FREM2: variants seen among roughly 807,000 people sequenced by gnomAD.
FREM2 encodes FRAS1-related extracellular matrix protein 2.
In FREM2, 119 loss-of-function variants were observed where a neutral mutation model predicts 219.9. The observed-to-expected ratio is 0.54, with a 90% CI of 0.47 to 0.63. The LOEUF is 0.63. Among genes scored for constraint, FREM2 ranks in the 30% least tolerant of loss-of-function variants. FREM2 has a pLI of 0.00. For synonymous variants in FREM2, 1,562 were observed against 1,522.8 expected, an observed-to-expected ratio of 1.03 and a Z score of -0.60; for missense variants, 4,030 against 3,993.6, an observed-to-expected ratio of 1.01 and a Z score of -0.25.
chr13:38,687,617 C>T lies in FREM2; in HGVS notation c.273C>T (p.Pro91=), dbSNP rs2138061534. 2 of 1,609,482 alleles carry T rather than the reference C, an allele frequency of 1.2e-6. No individual in the cohort carries two copies. The highest frequency in any genetic ancestry group is 1.7e-6 in the Non-Finnish European group (2 of 1,178,128). Residue 91 remains proline (P), a synonymous_variant, in exon 1 of 24, where the codon CCC becomes CCT. Coordinates refer to ENST00000280481, the MANE Select transcript of FREM2 (RefSeq NM_207361.6). ...VPFGREVWLD[P]LHDLVLQVQP... The stretch of plus-strand genomic sequence containing the variant: ...TCGGCCGTGAAGTCTGGCTGGATCC[C>T]CTGCATGACCTGGTGTTGCAGGTGC...
chr13:38,806,204 T>A (rs552406351), intron 6 of FREM2, among the ~76,000 whole-genome samples: 155 of 151,880 alleles, frequency 1.0e-3, no homozygotes, highest in South Asian at 4.2e-3. Flanking sequence ...TGTGGCCCCA[T>A]GAATCCCAAT....
intron 2 of FREM2, among the ~76,000 whole-genome samples, chr13:38,746,843 G>T (rs1566126265): frequency 6.6e-6 from 1 of 152,156 alleles, no homozygotes; most frequent in Admixed American, 6.5e-5. Context: ...AACAAATGAA[G>T]GTGTGGAAGA....
chr13:38,733,728 G>A (rs943995114), intron 2 of FREM2, among the ~76,000 whole-genome samples: 14 of 151,904 alleles, frequency 9.2e-5, no homozygotes, highest in Admixed American at 3.3e-4. Flanking sequence ...GGCTGGTCTT[G>A]AGCCCCTGGC....
At chr13:38,747,608 T>G (rs908879933) in intron 2 of FREM2, among the ~76,000 whole-genome samples, 3 of 152,174 alleles carry the variant, frequency 2.0e-5, no homozygotes, top group Non-Finnish European at 2.9e-5. Flanking sequence ...GGTTCTCCAG[T>G]CAATAAAGGT....
chr13:38,773,109 T>A (rs551151636), intron 4 of FREM2, among the ~76,000 whole-genome samples: 66 of 152,184 alleles, frequency 4.3e-4, no homozygotes, highest in Middle Eastern at 3.2e-3. Flanking sequence ...ATATAGTTGT[T>A]ATATAGGTGA....
Position 38,689,777 on chromosome 13 carries a change from G to A in FREM2, c.2433G>A (p.Gly811=). The change falls in exon 1 of 24, where the codon GGG becomes GGA. Residue 811 remains glycine (G), a synonymous_variant. Transcript: ENST00000280481. ...AGTTCCAGGTGGAAGACCGAGCTGG[G>A]AATGTGGCTCCAGGTACCTTTACCC... ...QFQFQVEDRA[G]NVAPGTFTLY... 1 of 1,613,672 alleles carries A rather than the reference G, an allele frequency of 6.2e-7. No homozygotes were observed. The highest frequency in any genetic ancestry group is 8.5e-7 in the Non-Finnish European group (1 of 1,179,784).
chr13:38,852,476 A>G (rs1475547300), intron 11 of FREM2, among the ~76,000 whole-genome samples: 1 of 152,174 alleles, frequency 6.6e-6, no homozygotes, highest in Admixed American at 6.5e-5. Context: ...ATAATTTCCT[A>G]TATTTTTCTA....
At chr13:38,860,470 T>A (rs933949487) in intron 14 of FREM2, among the ~76,000 whole-genome samples, 15 of 152,344 alleles carry the variant, frequency 9.8e-5, no homozygotes, top group Admixed American at 3.3e-4. Context: ...GCACACCGCA[T>A]TCAAAAGTAA....
rs542863474 is a variant in FREM2, at chr13:38,881,409, A to G, written c.*622A>G. 6.4e-6 allele frequency: 1 copy of G among 156,278 alleles called. No homozygotes were observed. The highest frequency in any genetic ancestry group is 2.4e-5 in the African/African-American group (1 of 41,572). 9.7% of individuals were successfully genotyped at this position (156,278 alleles called of 1,614,324 possible). A position where few individuals can be genotyped will look rare whatever the true frequency, so the allele number is the denominator to read the frequency against. On this transcript the variant is annotated 3_prime_UTR_variant, in exon 24 of 24. Transcript: ENST00000280481. ...CTCACTTGAATTTGAATTGCTTCTC[A>G]TTCTCATCAGACTCTCCTTGTTTTG...
intron 6 of FREM2, among the ~76,000 whole-genome samples, chr13:38,800,390 G>A (rs551339094): frequency 4.6e-5 from 7 of 151,806 alleles, no homozygotes; most frequent in South Asian, 2.1e-4. Flanking sequence ...CATTATCTCC[G>A]GGCACATAAA....
In FREM2 at chr13:38,881,314, C is replaced by G. The variant is rs188671310; in HGVS notation, c.*527C>G. The G allele has an allele frequency of 2.4e-5, 4 of 163,912 alleles. No individual in the cohort carries two copies. The highest frequency in any genetic ancestry group is 9.6e-5 in the African/African-American group (4 of 41,518). 10.2% of individuals were successfully genotyped at this position (163,912 alleles called of 1,614,324 possible). ...CAGCATAGAATTATGACCAGGGTGG[C>G]TCAACCCACAAATCAACTGATCTAC... On this transcript the variant is annotated 3_prime_UTR_variant, in exon 24 of 24. Coordinates refer to ENST00000280481, the MANE Select transcript of FREM2 (RefSeq NM_207361.6).
chr13:38,879,196 A>G (rs1878457710), intron 23 of FREM2, among the ~76,000 whole-genome samples: 1 of 152,250 alleles, frequency 6.6e-6, no homozygotes, highest in South Asian at 2.1e-4. Context: ...TTTTGTTAGC[A>G]ATATATCTGG....
chr13:38,731,852 G>A (rs911513824), intron 2 of FREM2, among the ~76,000 whole-genome samples: 1 of 152,156 alleles, frequency 6.6e-6, no homozygotes. Context: ...TTGTAAAATA[G>A]TTATCATCAG....
At position 38,692,065 on chromosome 13, in the gene FREM2, A is replaced by G. The variant is rs781494051; in HGVS notation, c.4721A>G (p.Gln1574Arg). Residue 1574 changes from glutamine (Q) to arginine (R), a missense_variant, in exon 1 of 24, where the codon CAG becomes CGG. This residue lies in a region of FREM2 where 3,102 missense variants were observed against 2,950.7 expected (regional missense o/e 1.05). Coordinates refer to ENST00000280481, the MANE Select transcript of FREM2 (RefSeq NM_207361.6). ...PDKLLKFTIT[Q>R]VPIHGHLLFN... ...AAGCTCCTGAAATTCACTATCACCC[A>G]GGTGCCTATTCATGGCCATCTCCTA... is the stretch of plus-strand genomic sequence containing the variant. 2.3e-5 allele frequency: 37 copies of G among 1,614,100 alleles called. No homozygotes were observed. In the South Asian group the frequency reaches 3.8e-4, roughly 17 times the overall value.
intron 17 of FREM2, among the ~76,000 whole-genome samples, chr13:38,874,080 GTTTC>G (rs1253682818): frequency 6.6e-6 from 1 of 152,108 alleles, no homozygotes; most frequent in Non-Finnish European, 1.5e-5. Flanking sequence ...AGCTTCAGAG[GTTTC>G]TTTAAGTCTA....
At chr13:38,842,652 C>T (rs77504897) in intron 6 of FREM2, among the ~76,000 whole-genome samples, 7,609 of 152,254 alleles carry the variant, frequency 0.05, 382 homozygotes, top group African/African-American at 0.12. Context: ...ATGGTCTATG[C>T]GCACTTGAGT....
Position 38,690,440 on chromosome 13 carries a change from T to C in FREM2, c.3096T>C (p.Phe1032=). ...EIGLLPKADS[F]NLSLSDMSQE... ...GCCTATTGCCTAAAGCGGATTCTTT[T>C]AACCTGAGTCTGTCAGATATGTCTC... The change falls in exon 1 of 24, where the codon TTT becomes TTC. Residue 1032 remains phenylalanine (F), a synonymous_variant. Transcript: ENST00000280481. The C allele has an allele frequency of 6.2e-7, 1 of 1,614,218 alleles. No homozygotes were observed. The highest frequency in any genetic ancestry group is 2.2e-5 in the East Asian group (1 of 44,884).
At chr13:38,751,428 A>G (rs975970084) in intron 2 of FREM2, among the ~76,000 whole-genome samples, 4 of 151,910 alleles carry the variant, frequency 2.6e-5, no homozygotes, top group Non-Finnish European at 4.4e-5. Context: ...TCCTTTCACA[A>G]ACCCTACAGA....
chr13:38,874,813 G>A (rs984202691), intron 18 of FREM2, among the ~76,000 whole-genome samples: 14 of 152,166 alleles, frequency 9.2e-5, no homozygotes, highest in African/African-American at 3.4e-4. Flanking sequence ...AATAATTAGA[G>A]TAAAATTAAA....
Sources: allele counts gnomAD v4.1 joint callset (sites outside exome capture counted in the v4.1 genomes callset), GRCh38; gene constraint gnomAD v4.1.1; regional missense constraint gnomAD v4.1.1; transcripts MANE v1.5; gene names NCBI Gene and HGNC (gene_info 2026-07-23, HGNC 2026-07-21).